Variants in PSD3 observed in about 807,000 individuals in gnomAD.
PSD3 encodes the protein pleckstrin and Sec7 domain containing 3.
PSD3 carries 49 observed loss-of-function variants against 105.5 expected under a neutral mutation model. The ratio of observed to expected loss-of-function variants is 0.46; its 90% confidence interval spans 0.37 to 0.59. The LOEUF is 0.59. PSD3 is among the 20% of genes least tolerant of loss of function. The probability of loss-of-function intolerance (pLI) is 0.00; values close to 1 mark genes in which losing one functional copy is unlikely to be tolerated. For missense variants in PSD3, 1,561 were observed against 1,263.8 expected, an observed-to-expected ratio of 1.24 and a Z score of -3.57; for synonymous variants, 557 against 457.8, an observed-to-expected ratio of 1.22 and a Z score of -2.77.
intron 1 of PSD3, among the ~76,000 whole-genome samples, chr8:18,944,401 T>C (rs541822894): frequency 5.9e-5 from 9 of 152,078 alleles, no homozygotes; most frequent in African/African-American, 2.2e-4. Flanking sequence ...GAAACCCCCA[T>C]CTCTAATAAA....
intron 4 of PSD3, among the ~76,000 whole-genome samples, chr8:18,836,879 A>C (rs1453419487): frequency 1.3e-5 from 2 of 150,360 alleles, no homozygotes; most frequent in Non-Finnish European, 3.0e-5. Flanking sequence ...CAGTTGGTTT[A>C]ATGCGATGTG....
intron 4 of PSD3, among the ~76,000 whole-genome samples, chr8:18,810,948 C>G (rs1304695357): frequency 6.6e-6 from 1 of 152,158 alleles, no homozygotes; most frequent in Non-Finnish European, 1.5e-5. Flanking sequence ...AAGTAAAACC[C>G]TAAATCATAA....
chr8:18,791,847 C>G (rs28759818), intron 8 of PSD3, among the ~76,000 whole-genome samples: 1,626 of 152,134 alleles, frequency 0.011, 24 homozygotes, highest in African/African-American at 0.036. Context: ...GTCTAATACC[C>G]GGCACCTACA....
At chr8:18,967,156 A>AT (rs1281068725) in intron 1 of PSD3, among the ~76,000 whole-genome samples, 4 of 116,502 alleles carry the variant, frequency 3.4e-5, no homozygotes, top group African/African-American at 9.5e-5. Context: ...TTTTTTCTTT[A>AT]TTTATTTTTT....
At chr8:18,701,903 G>T (rs1166980778) in intron 9 of PSD3, among the ~76,000 whole-genome samples, 1 of 152,138 alleles carries the variant, frequency 6.6e-6, no homozygotes, top group Admixed American at 6.5e-5. Context: ...AAATATCACT[G>T]GTGTGAAATA....
rs991663270 is a variant in PSD3, at chr8:18,529,209, G to C, written c.*6534C>G. On this transcript the variant is annotated 3_prime_UTR_variant, in exon 16 of 16. Coordinates refer to ENST00000327040, the MANE Select transcript of PSD3 (RefSeq NM_015310.4). ...AAGCCTTCAATTTGGTGGTCCACAAGAAAGAATGTGATATGGATCCCCTCA... is the reference window on the plus strand; with the variant it reads ...AAGCCTTCAATTTGGTGGTCCACAACAAAGAATGTGATATGGATCCCCTCA... 3.3e-5 allele frequency: 5 copies of C among 152,140 alleles called. No homozygotes were observed. Among genetic ancestry groups the C allele is most frequent in the Non-Finnish European group, 5.9e-5 (4 of 68,030 alleles). The allele number at this position is 152,140 out of a possible 1,614,324, so 9.4% of individuals were successfully genotyped here.
chr8:18,912,419 G>C (rs1246036642), intron 2 of PSD3, among the ~76,000 whole-genome samples: 2 of 152,014 alleles, frequency 1.3e-5, no homozygotes, highest in African/African-American at 4.8e-5. Context: ...TAACAGAACT[G>C]AGTTCTTAAA....
intron 1 of PSD3, among the ~76,000 whole-genome samples, chr8:19,069,446 G>A (rs535666659): frequency 2.0e-5 from 3 of 152,300 alleles, no homozygotes; most frequent in African/African-American, 7.2e-5. Context: ...CCCTAAAAGT[G>A]CTTGGGCAGA....
chr8:18,783,182 T>C (rs924401716), intron 8 of PSD3, among the ~76,000 whole-genome samples: 1 of 152,202 alleles, frequency 6.6e-6, no homozygotes, highest in African/African-American at 2.4e-5. Flanking sequence ...TAAGGATCTA[T>C]TCAGGTTTTG....
chr8:18,866,258 G>A (rs1391919887), intron 4 of PSD3, among the ~76,000 whole-genome samples: 2 of 152,152 alleles, frequency 1.3e-5, no homozygotes, highest in Non-Finnish European at 2.9e-5. Flanking sequence ...CCGCCTCACG[G>A]GGACACTGCT....
intron 1 of PSD3, among the ~76,000 whole-genome samples, chr8:19,050,534 T>A (rs1828491788): frequency 6.6e-6 from 1 of 152,162 alleles, no homozygotes; most frequent in Non-Finnish European, 1.5e-5. Context: ...ACATCCTTTG[T>A]AGGGACATGG....
intron 8 of PSD3, among the ~76,000 whole-genome samples, chr8:18,798,953 T>C (rs186532392): frequency 6.6e-6 from 1 of 152,234 alleles, no homozygotes; most frequent in Non-Finnish European, 1.5e-5. Flanking sequence ...TCAGATCTAA[T>C]TTGTATTCTC....
At chr8:18,874,702 CAAAA>C (rs746055038) in intron 2 of PSD3, among the ~76,000 whole-genome samples, 3 of 52,836 alleles carry the variant, frequency 5.7e-5, no homozygotes, top group Admixed American at 2.2e-4. Flanking sequence ...GACTCCATCT[CAAAA>C]AAAAAAAAAA....
intron 1 of PSD3, among the ~76,000 whole-genome samples, chr8:19,066,098 G>C (rs1829067348): frequency 6.6e-6 from 1 of 152,196 alleles, no homozygotes; most frequent in African/African-American, 2.4e-5. Context: ...TAAATCCTTA[G>C]ATGGGATGCT....
At chr8:18,578,113 A>G (rs181463438) in intron 12 of PSD3, among the ~76,000 whole-genome samples, 130 of 151,100 alleles carry the variant, frequency 8.6e-4, no homozygotes, top group African/African-American at 3.0e-3. Context: ...TCCAATGCCA[A>G]TCTAATTATT....
At chr8:18,635,471 C>A (rs1807184738) in intron 10 of PSD3, among the ~76,000 whole-genome samples, 1 of 152,186 alleles carries the variant, frequency 6.6e-6, no homozygotes, top group Non-Finnish European at 1.5e-5. Flanking sequence ...AAAAAAATCC[C>A]ATTGTCTAAC....
At chr8:18,676,919 T>C (rs1470813657) in intron 9 of PSD3, among the ~76,000 whole-genome samples, 1 of 152,188 alleles carries the variant, frequency 6.6e-6, no homozygotes, top group Admixed American at 6.5e-5. Context: ...TTAATTTCCA[T>C]TACATGGGAA....
At chr8:18,559,509 A>G (rs368723100) in intron 14 of PSD3, among the ~76,000 whole-genome samples, 74 of 152,172 alleles carry the variant, frequency 4.9e-4, no homozygotes, top group African/African-American at 1.7e-3. Flanking sequence ...TAAGAAATCA[A>G]ACTCTTTCTA....
chr8:18,959,435 C>T (rs1823777239), intron 1 of PSD3, among the ~76,000 whole-genome samples: 1 of 152,084 alleles, frequency 6.6e-6, no homozygotes, highest in Non-Finnish European at 1.5e-5. Flanking sequence ...ATTTTAAAAC[C>T]TTCAGCGGGT....
Sources: allele counts gnomAD v4.1 joint callset (sites outside exome capture counted in the v4.1 genomes callset), GRCh38; gene constraint gnomAD v4.1.1; transcripts MANE v1.5; gene names NCBI Gene and HGNC (gene_info 2026-07-23, HGNC 2026-07-21).